The following APOOL variants were observed in gnomAD, a reference collection of about 807,000 sequenced individuals.
The protein encoded by APOOL is MICOS complex subunit MIC27.
APOOL carries 12 observed loss-of-function variants against 23.1 expected under a neutral mutation model. The observed-to-expected ratio is 0.52, with a 90% CI of 0.33 to 0.84. The LOEUF (loss-of-function observed/expected upper bound fraction) is 0.84. Among genes scored for constraint, APOOL ranks in the 40% least tolerant of loss-of-function variants. The pLI, the probability that APOOL is intolerant of heterozygous loss-of-function variation, is 0.02. For synonymous variants in APOOL, 77 were observed against 69.9 expected (o/e 1.10, Z -0.51); for missense variants, 212 against 199.6 (o/e 1.06, Z -0.37).
intron 6 of APOOL, among the ~76,000 whole-genome samples, chrX:85,068,927 C>T (rs1923566602): frequency 9.0e-6 from 1 of 110,944 alleles, no homozygotes; most frequent in African/African-American, 3.3e-5. Flanking sequence ...TATGAATAGG[C>T]AGATAAGAAT....
intron 1 of APOOL, among the ~76,000 whole-genome samples, chrX:85,009,288 G>A (rs1921196334): frequency 1.8e-5 from 2 of 111,771 alleles, no homozygotes; most frequent in Non-Finnish European, 3.8e-5. Context: ...CCAGTGCTAT[G>A]TTAAATAAAA....
intron 8 of APOOL, among the ~76,000 whole-genome samples, chrX:85,079,260 G>C (rs932929627): frequency 9.0e-6 from 1 of 111,573 alleles, no homozygotes; most frequent in Non-Finnish European, 1.9e-5. Flanking sequence ...ATTTAGATAT[G>C]TTCCATCAAT....
At chrX:85,021,944 T>C in intron 1 of APOOL, among the ~76,000 whole-genome samples, 1 of 111,873 alleles carries the variant, frequency 8.9e-6, no homozygotes, top group Non-Finnish European at 1.9e-5. Flanking sequence ...CTAAAATTCG[T>C]GAGACTACTG....
chrX:85,074,339 C>T lies in APOOL; in HGVS notation c.666C>T (p.Pro222=). 2 of 1,210,942 alleles carry T rather than the reference C, an allele frequency of 1.7e-6. No homozygotes were observed. The highest frequency in any genetic ancestry group is 2.2e-6 in the Non-Finnish European group (2 of 894,738). Residue 222 remains proline (P), a synonymous_variant, in exon 8 of 9, where the codon CCC becomes CCT. Transcript: ENST00000373173. ...CTCACGTCTTGAAACACTCAGTGCC[C>T]TTGCCAACAGAACTCAGCTCTGAAG... ...KTTHVLKHSV[P]LPTELSSEAK...
At chrX:85,028,440 A>G (rs897688576) in intron 1 of APOOL, among the ~76,000 whole-genome samples, 11 of 111,642 alleles carry the variant, frequency 9.9e-5, no homozygotes, top group Middle Eastern at 8.4e-3. Context: ...TTTATGGGAC[A>G]CATGAGATAT....
intron 1 of APOOL, among the ~76,000 whole-genome samples, chrX:85,024,519 G>A (rs1921774064): frequency 8.9e-6 from 1 of 112,594 alleles, no homozygotes; most frequent in Admixed American, 9.4e-5. Context: ...TCCAGATAAA[G>A]TCTAGTTGCT....
Position 85,087,651 on chromosome X carries a change from T to A in APOOL, c.780T>A (p.Asp260Glu). ...LMDHGQSHPE[D>E]IDMYSTRS ...ATCACGGGCAGTCCCACCCAGAAGA[T>A]ATAGATATGTACAGCACTAGAAGCT... Residue 260 changes from aspartate (D) to glutamate (E), a missense_variant, in exon 9 of 9, where the codon GAT becomes GAA. Transcript: ENST00000373173. 4.2e-6 allele frequency: 5 copies of A among 1,197,582 alleles called. No homozygotes were observed. Among genetic ancestry groups the A allele is most frequent in the Non-Finnish European group, 5.6e-6 (5 of 888,139 alleles).
At position 85,088,141 on chromosome X, in the gene APOOL, TATATGTATAAATACATACATATTTATAC is replaced by T. The variant is rs1165727184; in HGVS notation, c.*468_*495del. The T allele has an allele frequency of 3.5e-3, 123 of 34,751 alleles. 4 individuals carry two copies. The highest frequency in any genetic ancestry group is 0.016 in the African/African-American group (109 of 6,899). 2.9% of individuals were successfully genotyped at this position (34,751 alleles called of 1,213,427 possible). On this transcript the variant is annotated 3_prime_UTR_variant, in exon 9 of 9. Transcript: ENST00000373173. Reference sequence around the variant, plus strand: ...GTATAAATACATACATATTTATACATATATGTATAAATACATACATATTTATACATATATGTATAAATACATACATATT... The same window carrying T: ...GTATAAATACATACATATTTATACATATATATGTATAAATACATACATATT...
chrX:85,069,341 C>T (rs1401959173), intron 6 of APOOL, among the ~76,000 whole-genome samples: 1 of 110,081 alleles, frequency 9.1e-6, no homozygotes, highest in African/African-American at 3.3e-5. Flanking sequence ...GTTAAAGCAG[C>T]GAGTTGTAAA....
intron 2 of APOOL, among the ~76,000 whole-genome samples, chrX:85,050,622 A>T (rs75348916): frequency 1.1e-4 from 12 of 105,031 alleles, no homozygotes; most frequent in South Asian, 4.1e-4. Flanking sequence ...AAAAAAAAAA[A>T]TTTTTTTTTA....
At chrX:85,058,163 C>G (rs763177084) in intron 5 of APOOL, among the ~76,000 whole-genome samples, 2 of 111,065 alleles carry the variant, frequency 1.8e-5, no homozygotes, top group South Asian at 7.7e-4. Context: ...GTGCACCTAT[C>G]AACTCATCAC....
intron 6 of APOOL, among the ~76,000 whole-genome samples, chrX:85,069,265 G>A (rs1057351625): frequency 9.1e-6 from 1 of 110,286 alleles, no homozygotes; most frequent in South Asian, 3.8e-4. Flanking sequence ...GAAAAGTCAC[G>A]TATGTACAAG....
At chrX:85,083,457 G>A (rs961131135) in intron 8 of APOOL, among the ~76,000 whole-genome samples, 1 of 111,215 alleles carries the variant, frequency 9.0e-6, no homozygotes, top group Non-Finnish European at 1.9e-5. Context: ...TACAGTACCC[G>A]AAATTAAGAA....
At chrX:85,032,856 G>A (rs980755465) in intron 1 of APOOL, among the ~76,000 whole-genome samples, 1 of 111,812 alleles carries the variant, frequency 8.9e-6, no homozygotes, top group African/African-American at 3.2e-5. Flanking sequence ...CTCTAATTTT[G>A]ATGAACGTTA....
intron 6 of APOOL, among the ~76,000 whole-genome samples, chrX:85,072,661 T>G (rs1405767202): frequency 1.8e-5 from 2 of 111,251 alleles, no homozygotes; most frequent in Non-Finnish European, 3.8e-5. Context: ...TTAAACAAAT[T>G]GTGGTGCATA....
At chrX:85,083,545 A>T (rs1924186245) in intron 8 of APOOL, among the ~76,000 whole-genome samples, 1 of 111,894 alleles carries the variant, frequency 8.9e-6, no homozygotes, top group South Asian at 3.7e-4. Flanking sequence ...TCAATAAAAA[A>T]TAGCCAAACT....
At chrX:85,079,723 A>T (rs1468753826) in intron 8 of APOOL, among the ~76,000 whole-genome samples, 1 of 111,066 alleles carries the variant, frequency 9.0e-6, no homozygotes, top group Admixed American at 9.6e-5. Context: ...CTGGTCCTGT[A>T]CTTTTTTTGG....
intron 1 of APOOL, among the ~76,000 whole-genome samples, chrX:85,045,496 G>C (rs1286177846): frequency 8.9e-6 from 1 of 111,862 alleles, no homozygotes; most frequent in Non-Finnish European, 1.9e-5. Flanking sequence ...TCCAGGTGTT[G>C]CACAATTTTA....
At chrX:85,006,372 G>C (rs1264653801) in intron 1 of APOOL, among the ~76,000 whole-genome samples, 1 of 110,795 alleles carries the variant, frequency 9.0e-6, no homozygotes, top group Non-Finnish European at 1.9e-5. Context: ...GCTTGCTCCA[G>C]GTCATACAAC....
Sources: allele counts gnomAD v4.1 joint callset (sites outside exome capture counted in the v4.1 genomes callset), GRCh38; gene constraint gnomAD v4.1.1; transcripts MANE v1.5; gene names NCBI Gene and HGNC (gene_info 2026-07-23, HGNC 2026-07-21).